Variants in KIR2DL3 observed in about 807,000 individuals in gnomAD.
The protein encoded by KIR2DL3 is killer cell immunoglobulin like receptor, two Ig domains and long cytoplasmic tail 3.
KIR2DL3 carries 39 observed loss-of-function variants against 33.8 expected under a neutral mutation model. The ratio of observed to expected loss-of-function variants is 1.15; its 90% CI spans 0.89 to 1.51. The LOEUF is 1.51. Among genes scored for constraint, KIR2DL3 ranks in the 40% most tolerant of loss-of-function variants. The probability of loss-of-function intolerance (pLI) is 0.00; values close to 1 mark genes in which losing one functional copy is unlikely to be tolerated. For missense variants in KIR2DL3, 462 were observed against 426.2 expected (o/e 1.08, Z -0.74); for synonymous variants, 174 against 160.2 (o/e 1.09, Z -0.65).
Position 54,743,724 on chromosome 19 carries a change from G to C in KIR2DL3, c.371-71G>C, listed in dbSNP as rs1213273799. The C allele has an allele frequency of 3.8e-6, 5 of 1,315,942 alleles. No individual in the cohort carries two copies. In the South Asian group the frequency reaches 6.9e-5, roughly 18 times the overall value. 81.5% of individuals were successfully genotyped at this position (1,315,942 alleles called of 1,614,324 possible). On this transcript the variant is annotated intron_variant, in intron 3 of 7. Coordinates refer to ENST00000342376, the MANE Select transcript of KIR2DL3 (RefSeq NM_015868.3). ...ATTAGGTCATAGAGCAGGGGAGTGA[G>C]TTCTCAGCTCAGGTGAAGGGAGCTG...
intron 3 of KIR2DL3, among the ~76,000 whole-genome samples, chr19:54,742,827 A>T (rs2071431519): frequency 6.6e-6 from 1 of 151,042 alleles, no homozygotes. Context: ...TCCAGACTGG[A>T]TTCTGTGGCT....
rs3952566 is a variant in KIR2DL3, at chr19:54,752,868, A to G, written c.*349A>G. On this transcript the variant is annotated 3_prime_UTR_variant, in exon 8 of 8. Transcript: ENST00000342376. Reference sequence around the variant, plus strand: ...CTGCAATCACACTGAGGAACTCACAATTCCAAACATACAAGAGGCTCCCTC... The same window carrying G: ...CTGCAATCACACTGAGGAACTCACAGTTCCAAACATACAAGAGGCTCCCTC... The G allele has an allele frequency of 3.2e-4, 140 of 435,576 alleles. 9 individuals carry two copies. The highest frequency in any genetic ancestry group is 5.4e-4 in the Admixed American group (14 of 26,058). 27.0% of individuals were successfully genotyped at this position (435,576 alleles called of 1,614,324 possible). A position where few individuals can be genotyped will look rare whatever the true frequency, so the allele number is the denominator to read the frequency against.
rs1416323221 is a variant in KIR2DL3, at chr19:54,744,917, TAAAC to T, written c.664+831_664+834del. 1.3e-3 allele frequency among the ~76,000 whole-genome samples: 52 copies of T among 40,312 alleles called. 2 individuals carry two copies. Among genetic ancestry groups the T allele is most frequent in the African/African-American group, 2.8e-3 (32 of 11,266 alleles). The allele number at this position is 40,312 out of a possible 152,430, so 26.4% of individuals were successfully genotyped here. A position where few individuals can be genotyped will look rare whatever the true frequency, so the allele number is the denominator to read the frequency against. ...ATATATACACACACACACACATATA[TAAAC>T]ATATATATATATATATATATATATA... On this transcript the variant is annotated intron_variant, in intron 4 of 7. Coordinates refer to ENST00000342376, the MANE Select transcript of KIR2DL3 (RefSeq NM_015868.3).
intron 5 of KIR2DL3, among the ~76,000 whole-genome samples, chr19:54,748,217 C>A (rs1435041991): frequency 5.3e-5 from 8 of 151,808 alleles, no homozygotes; most frequent in Non-Finnish European, 8.8e-5. Flanking sequence ...CCTTACCACA[C>A]CTCTTTCTCT....
chr19:54,746,758 G>A (rs181844808), intron 4 of KIR2DL3, among the ~76,000 whole-genome samples: 61 of 150,138 alleles, frequency 4.1e-4, no homozygotes, highest in African/African-American at 1.4e-3. Context: ...CAAGGCGGGT[G>A]GATCACCTGA....
chr19:54,740,182 G>A (rs548167283), intron 2 of KIR2DL3, among the ~76,000 whole-genome samples: 38 of 152,164 alleles, frequency 2.5e-4, no homozygotes, highest in Non-Finnish European at 4.4e-4. Context: ...CCATAGAAAC[G>A]TGGAAAGCGA....
At chr19:54,740,141 T>C (rs1171610540) in intron 2 of KIR2DL3, among the ~76,000 whole-genome samples, 1 of 152,122 alleles carries the variant, frequency 6.6e-6, no homozygotes, top group Non-Finnish European at 1.5e-5. Context: ...GGGTCCTTCC[T>C]TCAGCCCTGG....
At position 54,743,888 on chromosome 19, in the gene KIR2DL3, A is replaced by G. The variant is rs766848786; in HGVS notation, c.464A>G (p.Tyr155Cys). 2 of 1,614,016 alleles carry G rather than the reference A, an allele frequency of 1.2e-6. No homozygotes were observed. The highest frequency in any genetic ancestry group is 1.1e-5 in the South Asian group (1 of 91,086). Residue 155 changes from tyrosine to cysteine, a missense_variant, in exon 4 of 8, where the codon TAT becomes TGT. By Grantham distance (194) the Tyr-to-Cys change is radical. Coordinates refer to ENST00000342376, the MANE Select transcript of KIR2DL3 (RefSeq NM_015868.3). The stretch of plus-strand genomic sequence containing the variant: ...TTGTCCTGCAGCTCCCGGAGCTCCT[A>G]TGACATGTACCATCTATCCAGGGAG... ...VTLSCSSRSS[Y>C]DMYHLSREGE... is the part of the protein sequence containing the mutation.
intron 5 of KIR2DL3, among the ~76,000 whole-genome samples, chr19:54,747,956 G>A (rs921574648): frequency 3.9e-5 from 6 of 152,180 alleles, no homozygotes; most frequent in African/African-American, 7.2e-5. Flanking sequence ...CACAAGATTC[G>A]TGGGTGAAAA....
At chr19:54,739,730 C>A (rs1269909859) in intron 2 of KIR2DL3, among the ~76,000 whole-genome samples, 188 bp downstream of exon 2, 1 of 150,454 alleles carries the variant, frequency 6.6e-6, no homozygotes, top group Non-Finnish European at 1.5e-5. Flanking sequence ...TCTGTGGGGA[C>A]CAGGGTTAGA....
rs530326154 is a variant in KIR2DL3, at chr19:54,752,037, A to C, written c.821-179A>C. On this transcript the variant is annotated intron_variant, in intron 6 of 7. Coordinates refer to ENST00000342376, the MANE Select transcript of KIR2DL3 (RefSeq NM_015868.3). ...GGGAGACAGAATCAATGGGATGGGA[A>C]CTCAGAGCTATTCATGGGATGGGTC... Among the ~76,000 whole-genome samples, 24 of 135,778 alleles carry C rather than the reference A, an allele frequency of 1.8e-4. 2 individuals carry two copies. The East Asian group carries it at 4.4e-3, about 25-fold the overall frequency. The allele number at this position is 135,778 out of a possible 152,430, so 89.1% of individuals were successfully genotyped here. A position where few individuals can be genotyped will look rare whatever the true frequency, so the allele number is the denominator to read the frequency against.
chr19:54,746,392 T>C (rs626429), intron 4 of KIR2DL3, among the ~76,000 whole-genome samples: 9,456 of 105,896 alleles, frequency 0.089, 142 homozygotes, highest in African/African-American at 0.11. Context: ...AGTTGCTTAG[T>C]TTGAGGTAAT....
chr19:54,744,760 C>T (rs552164372), intron 4 of KIR2DL3, among the ~76,000 whole-genome samples: 2,322 of 149,240 alleles, frequency 0.016, 63 homozygotes, highest in African/African-American at 0.052. Flanking sequence ...CTCCTGACCA[C>T]GTGATCCACC....
chr19:54,746,915 G>A (rs1166436748), intron 4 of KIR2DL3, among the ~76,000 whole-genome samples: 1 of 148,092 alleles, frequency 6.8e-6, no homozygotes, highest in Non-Finnish European at 1.5e-5. Context: ...CCAGGAGGCT[G>A]TGGTGGCAGT....
chr19:54,744,710 A>T (rs1307319188), intron 4 of KIR2DL3, among the ~76,000 whole-genome samples: 2 of 150,170 alleles, frequency 1.3e-5, no homozygotes, highest in Non-Finnish European at 3.0e-5. Flanking sequence ...TATTTTTAGT[A>T]GAGAGGGGGT....
intron 3 of KIR2DL3, among the ~76,000 whole-genome samples, chr19:54,743,191 G>A (rs1412918184): frequency 6.6e-6 from 1 of 152,092 alleles, no homozygotes; most frequent in African/African-American, 2.4e-5. Context: ...GTAGATGATA[G>A]ATAATAGGTT....
At chr19:54,739,077 G>C (rs1395039932) in intron 1 of KIR2DL3, among the ~76,000 whole-genome samples, 1 of 151,644 alleles carries the variant, frequency 6.6e-6, no homozygotes, top group Non-Finnish European at 1.5e-5. Flanking sequence ...TGGATATCTG[G>C]GCCTGGAGTG....
At chr19:54,739,680 C>G (rs2070638806) in intron 2 of KIR2DL3, 138 bp downstream of exon 2, 5 of 1,433,078 alleles carry the variant, frequency 3.5e-6, no homozygotes, top group Non-Finnish European at 4.8e-6. Context: ...CATTTCTGAC[C>G]TCGCCTCCCT....
chr19:54,747,816 C>G (rs565179316), intron 5 of KIR2DL3, among the ~76,000 whole-genome samples: 3 of 151,548 alleles, frequency 2.0e-5, no homozygotes, highest in Admixed American at 2.0e-4. Flanking sequence ...CTCAGCAGAG[C>G]AACAGCCTTG....
Sources: gnomAD v4.1 joint callset for allele counts (sites outside exome capture counted in the v4.1 genomes callset) on GRCh38, gnomAD v4.1.1 for gene constraint, MANE v1.5 for transcripts, NCBI Gene and HGNC (gene_info 2026-07-23, HGNC 2026-07-21) for gene names.